The following PREX2 variants were observed in gnomAD, a reference collection of about 807,000 sequenced individuals.
PREX2 encodes phosphatidylinositol 3,4,5-trisphosphate-dependent Rac exchanger 2 protein.
PREX2 carries 107 observed loss-of-function variants against 203.2 expected under a neutral mutation model. That is an observed-to-expected ratio of 0.53 (90% CI 0.45 to 0.62). PREX2 has a LOEUF of 0.62. PREX2 is among the 20% of genes least tolerant of loss of function. The pLI is 0.00. For synonymous variants in PREX2, 672 were observed against 663.6 expected (o/e 1.01, Z -0.19); for missense variants, 1,777 against 1,955.9 (o/e 0.91, Z 1.72).
chr8:68,068,380 C>G (rs375421336), intron 11 of PREX2, among the ~76,000 whole-genome samples: 1 of 151,824 alleles, frequency 6.6e-6, no homozygotes, highest in Non-Finnish European at 1.5e-5. Flanking sequence ...AAAGAATGAA[C>G]GGTCTTGTTT....
At chr8:68,133,925 G>T (rs1041877612) in intron 31 of PREX2, 134 bp from the exon 32 acceptor site, 7 of 677,154 alleles carry the variant, frequency 1.0e-5, no homozygotes, top group Admixed American at 5.5e-5. Context: ...CATTTATAGA[G>T]CTCAAATTCA....
intron 38 of PREX2, among the ~76,000 whole-genome samples, chr8:68,223,876 A>G (rs921277965): frequency 3.9e-5 from 6 of 152,240 alleles, no homozygotes; most frequent in African/African-American, 1.4e-4. Context: ...AGTAAACTTA[A>G]TGATTCACGT....
intron 7 of PREX2, among the ~76,000 whole-genome samples, chr8:68,040,305 C>T (rs1253527632): frequency 2.6e-5 from 4 of 152,094 alleles, no homozygotes; most frequent in Admixed American, 6.6e-5. Context: ...GGACTATAGG[C>T]GTGAGCCACC....
chr8:68,105,805 G>A (rs922830856), intron 23 of PREX2: 2 of 155,814 alleles, frequency 1.3e-5, no homozygotes, highest in Admixed American at 6.9e-5. Flanking sequence ...CTACATTTTG[G>A]CTCTACTTTT....
intron 34 of PREX2, 137 bp from the exon 35 acceptor site, chr8:68,157,185 C>T: frequency 2.2e-6 from 1 of 461,626 alleles, no homozygotes; most frequent in African/African-American, 2.0e-5. Flanking sequence ...CATTTTTGGA[C>T]CTAACATAGT....
rs1461474021 is a variant in PREX2, at chr8:68,055,947, C to T, written c.1211C>T (p.Thr404Ile). The change falls in exon 10 of 40, where the codon ACT becomes ATT. Residue 404 changes from threonine (T) to isoleucine (I), a missense_variant. Transcript: ENST00000288368. ...NLIKDRKRKL[T>I]TFPKCFLGSE... ...ATCAAAGACCGAAAGAGAAAACTGA[C>T]TACGTTCCCTAAATGCTTTCTTGGA... The T allele has an allele frequency of 6.2e-7, 1 of 1,611,852 alleles. No homozygotes were observed. The highest frequency in any genetic ancestry group is 2.2e-5 in the East Asian group (1 of 44,874).
chr8:68,049,669 TA>T (rs1808464721), intron 8 of PREX2, among the ~76,000 whole-genome samples: 1 of 152,142 alleles, frequency 6.6e-6, no homozygotes, highest in African/African-American at 2.4e-5. Flanking sequence ...AATGGCAATT[TA>T]AAACCTATTC....
chr8:68,199,854 G>A (rs1199748744), intron 37 of PREX2, among the ~76,000 whole-genome samples: 1 of 152,148 alleles, frequency 6.6e-6, no homozygotes, highest in East Asian at 1.9e-4. Context: ...TTAAAGTAGA[G>A]CATTCAAGGT....
chr8:68,118,645 G>A lies in PREX2; in HGVS notation c.3421+1G>A, dbSNP rs772690008. The A allele has an allele frequency of 6.2e-7, 1 of 1,611,010 alleles. No individual in the cohort carries two copies. The highest frequency in any genetic ancestry group is 8.5e-7 in the Non-Finnish European group (1 of 1,177,194). On this transcript the variant is annotated splice_donor_variant, in intron 27 of 39. Transcript: ENST00000288368. LOFTEE classifies it high-confidence loss of function. ...TTCCACAGTGATGAAATGGACTCAG[G>A]TGTGTTCGTTGGTGAAGGCCTGTGG...
intron 22 of PREX2, among the ~76,000 whole-genome samples, chr8:68,098,938 G>GTATATATA (rs71253061): frequency 0.011 from 1,254 of 109,506 alleles, 20 homozygotes; most frequent in East Asian, 0.014. Flanking sequence ...ATATATATGT[G>GTATATATA]TATATATATA....
chr8:68,013,629 ATTGTT>A (rs1400088564), intron 1 of PREX2, among the ~76,000 whole-genome samples: 1 of 152,128 alleles, frequency 6.6e-6, no homozygotes, highest in Non-Finnish European at 1.5e-5. Context: ...ATGTGATATT[ATTGTT>A]TTAAGTTAAA....
intron 1 of PREX2, among the ~76,000 whole-genome samples, chr8:67,979,481 C>T (rs906254347): frequency 1.3e-5 from 2 of 152,194 alleles, no homozygotes; most frequent in Non-Finnish European, 2.9e-5. Context: ...AGCACACTTA[C>T]TTAAATGCCA....
intron 35 of PREX2, among the ~76,000 whole-genome samples, chr8:68,168,412 G>A (rs1020321710): frequency 1.9e-4 from 29 of 152,120 alleles, no homozygotes; most frequent in Admixed American, 1.1e-3. Flanking sequence ...TAAGAAAATA[G>A]CATGAGCATT....
chr8:68,044,588 C>T lies in PREX2; in HGVS notation c.941C>T (p.Thr314Ile). 6.2e-7 allele frequency: 1 copy of T among 1,607,294 alleles called. No individual in the cohort carries two copies. The change falls in exon 8 of 40, where the codon ACC becomes ATC. Residue 314 changes from threonine (T) to isoleucine (I), a missense_variant and splice_region_variant. Transcript: ENST00000288368. ...VMEVENVDDG[T>I]ADFHSSGHIV... The stretch of plus-strand genomic sequence containing the variant: ...GAAGTGGAGAATGTGGATGATGGCA[C>T]CGGTAAGTGATTTGTAGATTTTAAA...
At chr8:68,087,690 C>G in intron 18 of PREX2, 34 bp from the exon 19 acceptor site, 1 of 1,461,796 alleles carries the variant, frequency 6.8e-7, no homozygotes, top group Non-Finnish European at 9.6e-7. Context: ...TTGATTCTTA[C>G]GCTTCATCTT....
At position 67,956,366 on chromosome 8, in the gene PREX2, C is replaced by T. The variant is rs200210904; in HGVS notation, c.141+3831C>T. 3.9e-5 allele frequency among the ~76,000 whole-genome samples: 6 copies of T among 152,316 alleles called. No individual in the cohort carries two copies. In the East Asian group the frequency reaches 9.6e-4, roughly 24 times the overall value. ...TGGATGCACATCCTGTGCAGTGGCC[C>T]AGGGTTCTGAGCTGAGAAGGATGCC... On this transcript the variant is annotated intron_variant, in intron 1 of 39. Transcript: ENST00000288368.
chr8:67,997,072 T>C (rs187223660), intron 1 of PREX2, among the ~76,000 whole-genome samples: 1 of 152,360 alleles, frequency 6.6e-6, no homozygotes, highest in African/African-American at 2.4e-5. Flanking sequence ...TACATCTTAA[T>C]GGGTGGTATT....
Position 68,044,514 on chromosome 8 carries a change from A to C in PREX2, c.867A>C (p.Thr289=). The change falls in exon 8 of 40, where the codon ACA becomes ACC. Residue 289 remains threonine (T), a synonymous_variant. Coordinates refer to ENST00000288368, the MANE Select transcript of PREX2 (RefSeq NM_024870.4). ...GGTTGAAGAACAGCAAGGCATCTAC[A>C]GATGGACATCGGTACCTTTTTCGTG... The part of the protein sequence containing the change: ...HRRLKNSKAS[T]DGHRYLFRGR... 1 of 1,612,668 alleles carries C rather than the reference A, an allele frequency of 6.2e-7. No individual in the cohort carries two copies. Among genetic ancestry groups the C allele is most frequent in the African/African-American group, 1.3e-5 (1 of 74,988 alleles).
chr8:68,127,385 G>A lies in PREX2; in HGVS notation c.3732G>A (p.Lys1244=), dbSNP rs751203192. The A allele has an allele frequency of 9.3e-6, 15 of 1,606,648 alleles. No individual in the cohort carries two copies. The highest frequency in any genetic ancestry group is 5.1e-6 in the Non-Finnish European group (6 of 1,174,732). ...QNIRKFVEEV[K]CRLLLALLEY... ...TGTTTTCTTTCTCTGCAGAGGTAAA[G>A]TGTAGGCTACTCCTGGCTCTTCTTG... The change falls in exon 31 of 40, where the codon AAG becomes AAA. Residue 1244 remains lysine, a synonymous_variant. Coordinates refer to ENST00000288368, the MANE Select transcript of PREX2 (RefSeq NM_024870.4).
Sources: allele counts gnomAD v4.1 joint callset (sites outside exome capture counted in the v4.1 genomes callset), GRCh38; gene constraint gnomAD v4.1.1; transcripts MANE v1.5; gene names NCBI Gene and HGNC (gene_info 2026-07-23, HGNC 2026-07-21).